Variants in FOXP1 observed in about 807,000 individuals in gnomAD.
FOXP1 encodes the protein forkhead box P1, also known as forkhead box protein P1.
FOXP1 carries 15 observed loss-of-function variants against 98.2 expected under a neutral mutation model. The observed-to-expected ratio is 0.15, with a 90% CI of 0.10 to 0.24. The LOEUF (loss-of-function observed/expected upper bound fraction) is 0.24. Ranked by LOEUF, FOXP1 falls within the 10% of genes least tolerant of loss-of-function variation. The pLI, the probability that FOXP1 is intolerant of heterozygous loss-of-function variation, is 1.00. For missense variants in FOXP1, 633 were observed against 848.5 expected (o/e 0.75, Z 3.15); for synonymous variants, 371 against 314.5 (o/e 1.18, Z -1.90).
At chr3:71,254,186 C>G (rs1019564431) in intron 5 of FOXP1, among the ~76,000 whole-genome samples, 4 of 152,254 alleles carry the variant, frequency 2.6e-5, no homozygotes, top group South Asian at 2.1e-4. Flanking sequence ...TTTTCCTCCC[C>G]CCTAACTTCC....
chr3:71,038,493 C>A (rs994637474), intron 11 of FOXP1, among the ~76,000 whole-genome samples: 2 of 152,182 alleles, frequency 1.3e-5, no homozygotes, highest in Non-Finnish European at 1.5e-5. Context: ...ACTCCTGAGA[C>A]AACTGGCACA....
At chr3:71,247,570 G>A (rs1205267134) in intron 5 of FOXP1, among the ~76,000 whole-genome samples, 5 of 152,204 alleles carry the variant, frequency 3.3e-5, no homozygotes, top group Non-Finnish European at 7.3e-5. Flanking sequence ...CTTTGGTGGC[G>A]AAATCAAGAC....
At chr3:71,470,802 T>C (rs1345433512) in intron 3 of FOXP1, among the ~76,000 whole-genome samples, 1 of 152,114 alleles carries the variant, frequency 6.6e-6, no homozygotes, top group Non-Finnish European at 1.5e-5. Flanking sequence ...ACTGCTGAAC[T>C]AGGAGATCTC....
At position 70,959,210 on chromosome 3, in the gene FOXP1, TCC is replaced by T; in HGVS notation, c.*35_*36del. ...GACGTGTTTTTTTTTTTTTCCTTTT[TCC>T]AATCTTCATTCTCGGGGTTGGCCCG... is the stretch of plus-strand genomic sequence containing the variant. On this transcript the variant is annotated 3_prime_UTR_variant, in exon 21 of 21. Transcript: ENST00000649528. 1 of 1,610,380 alleles carries T rather than the reference TCC, an allele frequency of 6.2e-7. No homozygotes were observed. Among genetic ancestry groups the T allele is most frequent in the Non-Finnish European group, 8.5e-7 (1 of 1,177,674 alleles).
intron 5 of FOXP1, among the ~76,000 whole-genome samples, chr3:71,240,714 T>G (rs2067196217): frequency 6.6e-6 from 1 of 151,298 alleles, no homozygotes; most frequent in African/African-American, 2.4e-5. Context: ...GCTAATTTTG[T>G]TTTTGTATTT....
chr3:71,254,553 A>G (rs1318722589), intron 5 of FOXP1, among the ~76,000 whole-genome samples: 2 of 152,244 alleles, frequency 1.3e-5, no homozygotes, highest in African/African-American at 4.8e-5. Flanking sequence ...GGGTGATTTA[A>G]AAGTCCCTCT....
intron 5 of FOXP1, among the ~76,000 whole-genome samples, chr3:71,263,743 CT>C (rs36126610): frequency 0.26 from 39,148 of 148,002 alleles, 5,671 homozygotes; most frequent in Middle Eastern, 0.47. Flanking sequence ...ATCCATATTC[CT>C]TTTTTTTTTT....
chr3:71,324,605 G>C (rs1188825469), intron 4 of FOXP1, among the ~76,000 whole-genome samples: 2 of 151,754 alleles, frequency 1.3e-5, no homozygotes, highest in Non-Finnish European at 2.9e-5. Context: ...ATCACACACC[G>C]AGGCCTGTCG....
chr3:71,370,794 T>G (rs1213641452), intron 3 of FOXP1, among the ~76,000 whole-genome samples: 1 of 116,926 alleles, frequency 8.6e-6, no homozygotes, highest in Non-Finnish European at 1.8e-5. Flanking sequence ...GAGTTTTTTT[T>G]GTTGTTTTTT....
intron 4 of FOXP1, among the ~76,000 whole-genome samples, chr3:71,300,244 A>G (rs372466242): frequency 6.6e-6 from 1 of 152,210 alleles, no homozygotes; most frequent in East Asian, 1.9e-4. Context: ...TTTGGTTAAT[A>G]TCCACAACAT....
chr3:71,157,617 C>T (rs1179539988), intron 6 of FOXP1, among the ~76,000 whole-genome samples: 1 of 152,140 alleles, frequency 6.6e-6, no homozygotes, highest in Non-Finnish European at 1.5e-5. Flanking sequence ...AGTGTACTGC[C>T]AAATGTCACA....
At chr3:71,376,415 T>C (rs1410044710) in intron 3 of FOXP1, among the ~76,000 whole-genome samples, 1 of 152,204 alleles carries the variant, frequency 6.6e-6, no homozygotes, top group African/African-American at 2.4e-5. Context: ...AGTTCAGACT[T>C]GTGTCTTAAA....
intron 6 of FOXP1, among the ~76,000 whole-genome samples, chr3:71,123,823 C>T (rs2058955311): frequency 6.6e-6 from 1 of 152,100 alleles, no homozygotes; most frequent in South Asian, 2.1e-4. Flanking sequence ...TAAACCTGCC[C>T]TGGTCCCTGG....
chr3:71,502,102 A>G (rs112088601), intron 2 of FOXP1, among the ~76,000 whole-genome samples: 1 of 152,334 alleles, frequency 6.6e-6, no homozygotes, highest in Non-Finnish European at 1.5e-5. Context: ...GTTGCTCTTT[A>G]AGAATCATGG....
At chr3:71,009,409 C>T (rs990203719) in intron 12 of FOXP1, among the ~76,000 whole-genome samples, 4 of 152,048 alleles carry the variant, frequency 2.6e-5, no homozygotes, top group African/African-American at 4.8e-5. Context: ...AGAGCTAAGT[C>T]GAGTTGCTGT....
chr3:71,027,590 T>C (rs917666856), intron 11 of FOXP1, among the ~76,000 whole-genome samples: 8 of 152,206 alleles, frequency 5.3e-5, no homozygotes, highest in Non-Finnish European at 1.0e-4. Flanking sequence ...ACACCTACTT[T>C]GTGATAATCA....
intron 6 of FOXP1, among the ~76,000 whole-genome samples, chr3:71,185,532 A>G (rs1159230786): frequency 6.6e-6 from 1 of 152,174 alleles, no homozygotes; most frequent in African/African-American, 2.4e-5. Context: ...AAATTATCAC[A>G]CTTGTCAGCC....
intron 2 of FOXP1, among the ~76,000 whole-genome samples, chr3:71,554,147 A>C (rs1460220600): frequency 1.3e-5 from 2 of 152,194 alleles, no homozygotes; most frequent in African/African-American, 2.4e-5. Context: ...CAAGAGTTCA[A>C]AATCAACCTG....
intron 6 of FOXP1, among the ~76,000 whole-genome samples, chr3:71,146,953 G>A (rs1166128132): frequency 1.3e-5 from 2 of 152,352 alleles, no homozygotes; most frequent in East Asian, 3.9e-4. Context: ...CTGGCGCCCA[G>A]TGAGCAAGGT....
Sources: allele counts gnomAD v4.1 joint callset (sites outside exome capture counted in the v4.1 genomes callset), GRCh38; gene constraint gnomAD v4.1.1; transcripts MANE v1.5; gene names NCBI Gene and HGNC (gene_info 2026-07-23, HGNC 2026-07-21).